The following SARDH variants were observed in gnomAD, a reference collection of about 807,000 sequenced individuals.
The protein encoded by SARDH is sarcosine dehydrogenase, mitochondrial.
A neutral mutation model predicts 109.1 loss-of-function variants in SARDH; 95 were observed. The ratio of observed to expected loss-of-function variants is 0.87; its 90% CI spans 0.74 to 1.03. The LOEUF (loss-of-function observed/expected upper bound fraction) is 1.03. SARDH is among the 50% of genes least tolerant of loss of function. SARDH has a pLI of 0.00. For missense variants in SARDH, 1,267 were observed against 1,287.8 expected, an observed-to-expected ratio of 0.98 and a Z score of 0.25; for synonymous variants, 572 against 534.8, an observed-to-expected ratio of 1.07 and a Z score of -0.96.
At position 133,712,318 on chromosome 9, in the gene SARDH, G is replaced by A. The variant is rs1475849665; in HGVS notation, c.1328+301C>T. On this transcript the variant is annotated intron_variant, in intron 10 of 20. Transcript: ENST00000439388. This position sits in a 1 kb window ranked among gnomAD's most constrained non-coding sequence, Gnocchi z 4.1. ...CGCTCCCTCCTGCCCCCAGGCCTCA[G>A]TCTCCCCATCTGTGAGGTGGGGTGA... 6.6e-6 allele frequency among the ~76,000 whole-genome samples: 1 copy of A among 152,050 alleles called. No individual in the cohort carries two copies. Among genetic ancestry groups the A allele is most frequent in the Non-Finnish European group, 1.5e-5 (1 of 68,002 alleles).
downstream of SARDH, among the ~76,000 whole-genome samples, chr9:133,662,652 C>T (rs145412726): frequency 1.6e-3 from 248 of 152,328 alleles, no homozygotes; most frequent in African/African-American, 5.8e-3. This position sits in a 1 kb window ranked among gnomAD's most constrained non-coding sequence, Gnocchi z 5.1. Context: ...CACAGTGGGC[C>T]GCGTGGCCTG....
intron 6 of SARDH, among the ~76,000 whole-genome samples, chr9:133,720,646 A>AAG (rs35425856): frequency 0.28 from 43,104 of 151,848 alleles, 6,716 homozygotes; most frequent in East Asian, 0.4. Flanking sequence ...GGCAGCAGGA[A>AAG]AGAGAGAGAG....
intron 15 of SARDH, among the ~76,000 whole-genome samples, chr9:133,691,176 ACACAC>A (rs1564256377): frequency 4.5e-5 from 6 of 133,780 alleles, no homozygotes; most frequent in African/African-American, 2.0e-4. Context: ...CCCAACACAC[ACACAC>A]ACACACACAC....
chr9:133,735,783 C>G (rs1832862813), intron 1 of SARDH, among the ~76,000 whole-genome samples: 1 of 152,240 alleles, frequency 6.6e-6, no homozygotes, highest in Non-Finnish European at 1.5e-5. Context: ...GTGGCTCATG[C>G]CTGTAATCCC....
chr9:133,705,505 C>T (rs1290064929), intron 11 of SARDH, among the ~76,000 whole-genome samples: 1 of 141,534 alleles, frequency 7.1e-6, no homozygotes, highest in Non-Finnish European at 1.5e-5. Flanking sequence ...GCTCTTGCCC[C>T]AGGAATCCCA....
At position 133,725,546 on chromosome 9, in the gene SARDH, G is replaced by A. The variant is rs28498131; in HGVS notation, c.915+4219C>T. 9.0e-3 allele frequency: 3,946 copies of A among 436,394 alleles called. 120 individuals are homozygous for A. Among genetic ancestry groups the A allele is most frequent in the African/African-American group, 0.072 (3,555 of 49,236 alleles). 27.0% of individuals were successfully genotyped at this position (436,394 alleles called of 1,614,324 possible). A position where few individuals can be genotyped will look rare whatever the true frequency, so the allele number is the denominator to read the frequency against. On this transcript the variant is annotated intron_variant, in intron 6 of 20. Coordinates refer to ENST00000439388, the MANE Select transcript of SARDH (RefSeq NM_001134707.2). ...AAAAAATCAGCCGGGTGTGGTGACG[G>A]GCACATTTAATCCCAGCTACATGGG...
chr9:133,718,755 T>G lies in SARDH; in HGVS notation c.1020+183A>C, dbSNP rs1832218461. On this transcript the variant is annotated intron_variant, in intron 7 of 20. Coordinates refer to ENST00000439388, the MANE Select transcript of SARDH (RefSeq NM_001134707.2). This position sits in a 1 kb window ranked among gnomAD's most constrained non-coding sequence, Gnocchi z 4.2. ...CAGCTGCCCTGGGTCTGTATTTGAC[T>G]GCCTGCCAGGACCGTCAGGGTAAGA... 1 of 781,040 alleles carries G rather than the reference T, an allele frequency of 1.3e-6. No individual in the cohort carries two copies. The highest frequency in any genetic ancestry group is 2.4e-6 in the Non-Finnish European group (1 of 419,632). The allele number at this position is 781,040 out of a possible 1,614,324, so 48.4% of individuals were successfully genotyped here.
Position 133,705,039 on chromosome 9 carries a change from G to A in SARDH, c.1471-8C>T, listed in dbSNP as rs138985974. On this transcript the variant is annotated splice_polypyrimidine_tract_variant and splice_region_variant and intron_variant, in intron 11 of 20. Transcript: ENST00000439388. ...GCCTTGTCCAAGGAGTTCCTGAGCA[G>A]GAGTGGGGAACAGGCATCTGTCACG... is the stretch of plus-strand genomic sequence containing the variant. 5.2e-4 allele frequency: 824 copies of A among 1,584,964 alleles called. 6 individuals are homozygous for A. The East Asian group carries it at 9.1e-3, about 18-fold the overall frequency.
In SARDH at chr9:133,690,445, C is replaced by T. The variant is rs1040717681; in HGVS notation, c.2004G>A (p.Lys668=). Residue 668 remains lysine (K), a synonymous_variant, in exon 16 of 21, where the codon AAG becomes AAA. Transcript: ENST00000439388. ...AGCTGTCGATGAGCTGGCACTGGGA[C>T]TTCTGGTCCTGCAGCACGGTGGTGA... ...SHITTVLQDQ[K]SQCQLIDSSE... 3.7e-6 allele frequency: 6 copies of T among 1,613,068 alleles called. No individual in the cohort carries two copies. In the East Asian group the frequency reaches 1.1e-4, roughly 30 times the overall value.
At chr9:133,736,422 G>C (rs1266356573) in intron 1 of SARDH, among the ~76,000 whole-genome samples, 1 of 151,622 alleles carries the variant, frequency 6.6e-6, no homozygotes, top group Non-Finnish European at 1.5e-5. Context: ...TTGAGAAAGA[G>C]TCCCACTCTG....
intron 6 of SARDH, among the ~76,000 whole-genome samples, chr9:133,723,758 G>A (rs1588448824): frequency 6.6e-6 from 1 of 152,286 alleles, no homozygotes; most frequent in East Asian, 1.9e-4. Context: ...GCGAGACGCT[G>A]TCTCAAAAAA....
chr9:133,696,232 G>A lies in SARDH; in HGVS notation c.1798C>T (p.Arg600Ter), dbSNP rs541125720. The A allele has an allele frequency of 8.7e-5, 140 of 1,613,918 alleles. No homozygotes were observed. Among genetic ancestry groups the A allele is most frequent in the Middle Eastern group, 1.6e-4 (1 of 6,062 alleles). The stretch of plus-strand genomic sequence containing the variant: ...ACCTCAGGCTCCATACCTGGGGGTC[G>A]GCTGACATCTGCGGAGAAGAGCCAG... ...ADWLFSADVSRPPGSTVYTCM... is the reference protein window; with the variant it reads ...ADWLFSADVS The change falls in exon 14 of 21, where the codon CGA becomes TGA. Residue 600 changes from arginine to a stop codon, truncating the protein, a stop_gained. Coordinates refer to ENST00000439388, the MANE Select transcript of SARDH (RefSeq NM_001134707.2). LOFTEE classifies it high-confidence loss of function.
At chr9:133,729,640 G>T in intron 6 of SARDH, 125 bp downstream of exon 6, 2 of 722,314 alleles carry the variant, frequency 2.8e-6, no homozygotes, top group Admixed American at 4.9e-5. Flanking sequence ...CACAGATGAG[G>T]TGACTGAGGC....
At chr9:133,680,183 T>C (rs1830648549) in intron 17 of SARDH, among the ~76,000 whole-genome samples, 1 of 152,174 alleles carries the variant, frequency 6.6e-6, no homozygotes. Flanking sequence ...TTTTAGACAT[T>C]GTGCTAGACT....
chr9:133,728,035 C>A lies in SARDH; in HGVS notation c.915+1730G>T, dbSNP rs1294742226. On this transcript the variant is annotated intron_variant, in intron 6 of 20. Transcript: ENST00000439388. The surrounding 1 kb of genome is among the most constrained non-coding windows in gnomAD (Gnocchi z 5.0). ...TGGCGGCCACCTAGGGGAGGAGGCT[C>A]TCCCCAGGGACCCGGAGCCAGGGAG... is the stretch of plus-strand genomic sequence containing the variant. 1.3e-5 allele frequency among the ~76,000 whole-genome samples: 2 copies of A among 152,126 alleles called. No homozygotes were observed. The highest frequency in any genetic ancestry group is 4.8e-5 in the African/African-American group (2 of 41,428).
chr9:133,684,730 C>T (rs1830822082), intron 17 of SARDH, among the ~76,000 whole-genome samples: 1 of 152,144 alleles, frequency 6.6e-6, no homozygotes, highest in African/African-American at 2.4e-5. Context: ...TGGCTGTGCT[C>T]CCACCCCAGC....
At chr9:133,681,361 C>A (rs545494514) in intron 17 of SARDH, among the ~76,000 whole-genome samples, 1 of 152,366 alleles carries the variant, frequency 6.6e-6, no homozygotes, top group African/African-American at 2.4e-5. Context: ...CCTTGCCCCA[C>A]CCTGTCTGGT....
chr9:133,735,324 C>A (rs535223156), intron 1 of SARDH, among the ~76,000 whole-genome samples: 10 of 152,194 alleles, frequency 6.6e-5, no homozygotes, highest in Non-Finnish European at 1.5e-4. Context: ...GGTTAACAGG[C>A]CTTCCTCCCC....
chr9:133,717,043 C>A (rs571172414), intron 8 of SARDH, among the ~76,000 whole-genome samples: 4 of 152,296 alleles, frequency 2.6e-5, no homozygotes, highest in African/African-American at 9.6e-5. Flanking sequence ...ATGAAGAAGC[C>A]CAGGTGGGGA....
Sources: allele counts gnomAD v4.1 joint callset (sites outside exome capture counted in the v4.1 genomes callset), GRCh38; gene constraint gnomAD v4.1.1; non-coding constraint Gnocchi (gnomAD v3.1); transcripts MANE v1.5; gene names NCBI Gene and HGNC (gene_info 2026-07-23, HGNC 2026-07-21).